LY86: variants seen among roughly 807,000 people sequenced by gnomAD.
LY86 encodes the protein MD-1, RP105-associated.
In LY86, 20 loss-of-function variants were observed where a neutral mutation model predicts 17.3. The ratio of observed to expected loss-of-function variants is 1.15; its 90% confidence interval spans 0.81 to 1.68. The LOEUF is 1.68. LY86 is among the 40% of genes most tolerant of loss of function. LY86 has a pLI of 0.00. For synonymous variants in LY86, 74 were observed against 70.6 expected (o/e 1.05, Z -0.24); for missense variants, 200 against 191.9 (o/e 1.04, Z -0.25).
At chr6:6,643,117 C>T (rs1269691277) in intron 3 of LY86, among the ~76,000 whole-genome samples, 1 of 152,270 alleles carries the variant, frequency 6.6e-6, no homozygotes, top group South Asian at 2.1e-4. Context: ...TATATAAATA[C>T]CTAGAAGTGG....
At chr6:6,648,340 T>C (rs1490769149) in intron 3 of LY86, among the ~76,000 whole-genome samples, 1 of 152,228 alleles carries the variant, frequency 6.6e-6, no homozygotes, top group African/African-American at 2.4e-5. Flanking sequence ...CTGAACTCCC[T>C]ACCATTTCCT....
intron 1 of LY86, among the ~76,000 whole-genome samples, chr6:6,599,846 G>A (rs1346437373): frequency 1.1e-5 from 1 of 89,350 alleles, no homozygotes; most frequent in Non-Finnish European, 2.8e-5. Context: ...GAGCCCGACA[G>A]CACCCTCCCA....
chr6:6,591,838 AGAG>A (rs1377842102), intron 1 of LY86, among the ~76,000 whole-genome samples: 1 of 152,220 alleles, frequency 6.6e-6, no homozygotes, highest in African/African-American at 2.4e-5. Context: ...AGGAGGGGTG[AGAG>A]GAGAAGTTTG....
chr6:6,604,100 G>A (rs1292973743), intron 1 of LY86, among the ~76,000 whole-genome samples: 3 of 152,136 alleles, frequency 2.0e-5, no homozygotes, highest in East Asian at 3.9e-4. Context: ...GGGAACATCT[G>A]AGGCATATAG....
At chr6:6,605,510 T>TG (rs550350277) in intron 1 of LY86, among the ~76,000 whole-genome samples, 290 of 152,342 alleles carry the variant, frequency 1.9e-3, no homozygotes, top group African/African-American at 2.8e-3. Context: ...TGCCTTGCCA[T>TG]GGGGGGTCTC....
chr6:6,631,673 G>T, intron 3 of LY86, among the ~76,000 whole-genome samples: 1 of 152,036 alleles, frequency 6.6e-6, no homozygotes, highest in Admixed American at 6.5e-5. Context: ...AAGCCTTTTG[G>T]GCCATGTGTT....
intron 1 of LY86, among the ~76,000 whole-genome samples, chr6:6,612,982 T>C (rs1212090969): frequency 6.6e-6 from 1 of 151,988 alleles, no homozygotes; most frequent in Non-Finnish European, 1.5e-5. Flanking sequence ...CTGATTGGTG[T>C]GTTAACAATC....
chr6:6,605,839 T>C (rs562720405), intron 1 of LY86, among the ~76,000 whole-genome samples: 35 of 152,158 alleles, frequency 2.3e-4, no homozygotes, highest in African/African-American at 8.0e-4. Context: ...TCCCGGTGAA[T>C]GTTACAGCTC....
chr6:6,612,216 T>G (rs1028167164), intron 1 of LY86, among the ~76,000 whole-genome samples: 1 of 152,196 alleles, frequency 6.6e-6, no homozygotes, highest in Non-Finnish European at 1.5e-5. Flanking sequence ...CCCTCACAGT[T>G]AAGTTCTTCA....
At chr6:6,614,714 G>C (rs1030603797) in intron 1 of LY86, among the ~76,000 whole-genome samples, 18 of 151,846 alleles carry the variant, frequency 1.2e-4, no homozygotes, top group African/African-American at 4.4e-4. Flanking sequence ...ATCGTGCTTG[G>C]CAGAGAGTCG....
intron 3 of LY86, among the ~76,000 whole-genome samples, chr6:6,632,367 G>T (rs1366840562): frequency 1.3e-5 from 2 of 152,188 alleles, no homozygotes; most frequent in Non-Finnish European, 2.9e-5. Context: ...TATCAAATGA[G>T]AGTGGCCATA....
chr6:6,625,767 G>C (rs1761773676), intron 2 of LY86, among the ~76,000 whole-genome samples: 1 of 152,090 alleles, frequency 6.6e-6, no homozygotes, highest in Admixed American at 6.5e-5. Flanking sequence ...TATGGGGAGA[G>C]AAAAAGCGAG....
At chr6:6,623,749 T>A (rs959798437) in intron 1 of LY86, among the ~76,000 whole-genome samples, 1 of 152,172 alleles carries the variant, frequency 6.6e-6, no homozygotes, top group African/African-American at 2.4e-5. Flanking sequence ...GGCTCAGCTA[T>A]TAGTACAAGG....
chr6:6,603,052 GCTCA>G (rs1165360428), intron 1 of LY86, among the ~76,000 whole-genome samples: 2 of 152,028 alleles, frequency 1.3e-5, no homozygotes, highest in Non-Finnish European at 2.9e-5. Flanking sequence ...TCTAGGGAGC[GCTCA>G]CTCTCTGCTT....
intron 3 of LY86, among the ~76,000 whole-genome samples, chr6:6,648,466 C>T (rs186267661): frequency 6.6e-6 from 1 of 152,276 alleles, no homozygotes; most frequent in African/African-American, 2.4e-5. Context: ...ATTTCCTAAA[C>T]TCTTTTCCAC....
chr6:6,633,551 C>A (rs1207170253), intron 3 of LY86, among the ~76,000 whole-genome samples: 2 of 152,082 alleles, frequency 1.3e-5, no homozygotes, highest in African/African-American at 4.8e-5. Flanking sequence ...AGCCCAACGT[C>A]TATTAGCTAT....
At chr6:6,605,174 GATA>G (rs1248757299) in intron 1 of LY86, among the ~76,000 whole-genome samples, 3 of 152,152 alleles carry the variant, frequency 2.0e-5, no homozygotes, top group African/African-American at 4.8e-5. Flanking sequence ...ATGTAATGAT[GATA>G]ATGATGAATT....
At chr6:6,595,158 GA>G (rs537211267) in intron 1 of LY86, among the ~76,000 whole-genome samples, 15 of 145,206 alleles carry the variant, frequency 1.0e-4, no homozygotes, top group African/African-American at 5.5e-5. Flanking sequence ...GAGGAGGAGA[GA>G]AAAGAGCGGA....
chr6:6,592,355 C>T (rs1018916630), intron 1 of LY86, among the ~76,000 whole-genome samples: 3 of 152,192 alleles, frequency 2.0e-5, no homozygotes, highest in Non-Finnish European at 4.4e-5. Flanking sequence ...TGCTAAATCA[C>T]GAGTCCCACG....
Sources: allele counts gnomAD v4.1 joint callset (sites outside exome capture counted in the v4.1 genomes callset), GRCh38; gene constraint gnomAD v4.1.1; transcripts MANE v1.5; gene names NCBI Gene and HGNC (gene_info 2026-07-23, HGNC 2026-07-21).